ZMYND8: variants seen among roughly 807,000 people sequenced by gnomAD.
ZMYND8 encodes MYND-type zinc finger-containing chromatin reader ZMYND8.
Under a neutral mutation model 140.8 loss-of-function variants are expected in ZMYND8, and 37 were observed. That is an observed-to-expected ratio of 0.26 (90% confidence interval 0.20 to 0.35). The LOEUF (loss-of-function observed/expected upper bound fraction) is 0.35. Ranked by LOEUF, ZMYND8 falls within the 10% of genes least tolerant of loss-of-function variation. The probability of loss-of-function intolerance (pLI) is 1.00; values close to 1 mark genes in which losing one functional copy is unlikely to be tolerated. For synonymous variants in ZMYND8, 592 were observed against 597.1 expected, an observed-to-expected ratio of 0.99 and a Z score of 0.12; for missense variants, 1,068 against 1,570.0, an observed-to-expected ratio of 0.68 and a Z score of 5.40.
At chr20:47,285,959 G>A (rs1310715646) in intron 8 of ZMYND8, 1 of 513,942 alleles carries the variant, frequency 1.9e-6, no homozygotes, top group Non-Finnish European at 2.5e-6. Flanking sequence ...TGGAGGCTGA[G>A]GCAGAAGGAT....
chr20:47,259,077 G>A (rs2074968791), intron 12 of ZMYND8, among the ~76,000 whole-genome samples: 1 of 151,742 alleles, frequency 6.6e-6, no homozygotes, highest in South Asian at 2.1e-4. Context: ...AAGCCAAACT[G>A]AAAGACCCAC....
At chr20:47,278,760 A>C (rs1264341759) in intron 10 of ZMYND8, among the ~76,000 whole-genome samples, 1 of 152,046 alleles carries the variant, frequency 6.6e-6, no homozygotes, top group African/African-American at 2.4e-5. Flanking sequence ...TATCTCCACC[A>C]AGAGGGGCAG....
In ZMYND8 at chr20:47,246,311, G is replaced by A. The variant is rs766326497; in HGVS notation, c.1981C>T (p.Pro661Ser). Reference sequence around the variant, plus strand: ...TTCAGCTCCTCTTTAATCTCCACTGGGTTTGTAGGCTTGGGCTTTTTTTTA... The same window carrying A: ...TTCAGCTCCTCTTTAATCTCCACTGAGTTTGTAGGCTTGGGCTTTTTTTTA... ...AVKKKPKPTN[P>S]VEIKEELKST... Residue 661 changes from proline (P) to serine (S), a missense_variant, in exon 14 of 23, where the codon CCA becomes TCA. Physicochemically the swap from Pro to Ser is moderately conservative, Grantham distance 74. Coordinates refer to ENST00000471951, the MANE Select transcript of ZMYND8 (RefSeq NM_001281775.3). 6.2e-7 allele frequency: 1 copy of A among 1,613,994 alleles called. No individual in the cohort carries two copies.
chr20:47,269,909 G>A (rs534421723), intron 11 of ZMYND8, among the ~76,000 whole-genome samples: 32 of 152,310 alleles, frequency 2.1e-4, no homozygotes, highest in Admixed American at 5.2e-4. Flanking sequence ...TAAAAATGCT[G>A]TTTTGAAGGG....
intron 14 of ZMYND8, among the ~76,000 whole-genome samples, chr20:47,241,997 T>A (rs1367244880): frequency 6.6e-6 from 1 of 152,042 alleles, no homozygotes; most frequent in Non-Finnish European, 1.5e-5. Flanking sequence ...TTTTGTATTC[T>A]CAGTAGAGGC....
At chr20:47,325,871 A>G (rs1488361306) in intron 2 of ZMYND8, among the ~76,000 whole-genome samples, 1 of 151,852 alleles carries the variant, frequency 6.6e-6, no homozygotes, top group East Asian at 1.9e-4. Flanking sequence ...CTCCTGATTC[A>G]AGCAATTCTC....
chr20:47,356,294 C>G, intron 1 of ZMYND8: 3 of 1,153,604 alleles, frequency 2.6e-6, no homozygotes, highest in South Asian at 1.7e-5. Flanking sequence ...GGGAACTGCT[C>G]AGAGAGAGAG....
chr20:47,306,603 C>A (rs941654365), intron 3 of ZMYND8, among the ~76,000 whole-genome samples: 2 of 144,930 alleles, frequency 1.4e-5, no homozygotes, highest in African/African-American at 5.3e-5. Context: ...CAGAGTCTCA[C>A]TCTGTCGCTC....
At chr20:47,232,537 T>A (rs1033710134) in intron 16 of ZMYND8, among the ~76,000 whole-genome samples, 4 of 151,422 alleles carry the variant, frequency 2.6e-5, no homozygotes, top group Admixed American at 6.6e-5. Context: ...AAAAAAAAAA[T>A]TTCTTTTAGT....
chr20:47,236,527 A>G lies in ZMYND8; in HGVS notation c.2666-11T>C. On this transcript the variant is annotated splice_polypyrimidine_tract_variant and intron_variant, in intron 15 of 22. Transcript: ENST00000471951. ...CCTTCTGCTGGACAGCTAGGAAGGCAAAGCATCCTGATTACCCCACGTGGG... is the reference window on the plus strand; with the variant it reads ...CCTTCTGCTGGACAGCTAGGAAGGCGAAGCATCCTGATTACCCCACGTGGG... 6.5e-7 allele frequency: 1 copy of G among 1,549,466 alleles called. No individual in the cohort carries two copies. The highest frequency in any genetic ancestry group is 8.7e-7 in the Non-Finnish European group (1 of 1,147,464).
chr20:47,318,887 G>A (rs2079649451), intron 2 of ZMYND8: 2 of 1,234,832 alleles, frequency 1.6e-6, no homozygotes, highest in Non-Finnish European at 2.2e-6. Flanking sequence ...ATTTCACCAG[G>A]AACATCAAGT....
At chr20:47,244,822 C>T (rs542236211) in intron 14 of ZMYND8, among the ~76,000 whole-genome samples, 2 of 152,144 alleles carry the variant, frequency 1.3e-5, no homozygotes, top group Non-Finnish European at 2.9e-5. Flanking sequence ...TTTAGGAGGC[C>T]GAGCTGGGTG....
chr20:47,259,109 G>A (rs936281059), intron 12 of ZMYND8, among the ~76,000 whole-genome samples: 1 of 151,984 alleles, frequency 6.6e-6, no homozygotes, highest in African/African-American at 2.4e-5. Context: ...GAAGCCCAAT[G>A]ACCACCCAGT....
chr20:47,263,940 A>T (rs1011343277), intron 11 of ZMYND8, among the ~76,000 whole-genome samples: 1 of 152,174 alleles, frequency 6.6e-6, no homozygotes, highest in African/African-American at 2.4e-5. Context: ...ATTCTCAGCT[A>T]TGAGCAATTC....
rs573968832 is a variant in ZMYND8, at chr20:47,333,621, G to T, written c.85+14235C>A. On this transcript the variant is annotated intron_variant, in intron 2 of 22. Coordinates refer to ENST00000471951, the MANE Select transcript of ZMYND8 (RefSeq NM_001281775.3). The stretch of plus-strand genomic sequence containing the variant: ...CATGCCTGTAGTCCCAGCTCCTCGG[G>T]AGACTAAGGCAGGAGAATCGCTTGA... Among the ~76,000 whole-genome samples the T allele has an allele frequency of 2.0e-5, 3 of 151,070 alleles. No individual in the cohort carries two copies. In the East Asian group the frequency reaches 5.9e-4, roughly 30 times the overall value.
intron 1 of ZMYND8, among the ~76,000 whole-genome samples, chr20:47,350,328 GAAAAAAA>G (rs3084684): frequency 8.3e-4 from 77 of 93,286 alleles, no homozygotes; most frequent in East Asian, 5.6e-3. Flanking sequence ...ATTAAAAGGA[GAAAAAAA>G]AAAAAAAAAA....
intron 2 of ZMYND8, among the ~76,000 whole-genome samples, chr20:47,321,605 T>G (rs2079957466): frequency 6.6e-6 from 1 of 152,134 alleles, no homozygotes; most frequent in African/African-American, 2.4e-5. Context: ...AGAAGGAAAA[T>G]GATTCCTGAT....
chr20:47,236,216 C>T, intron 16 of ZMYND8, 110 bp downstream of exon 16: 1 of 1,321,966 alleles, frequency 7.6e-7, no homozygotes, highest in Non-Finnish European at 1.0e-6. Flanking sequence ...AGGGTCTTCA[C>T]TCCCTAAAGA....
intron 4 of ZMYND8, among the ~76,000 whole-genome samples, 187 bp from the exon 5 acceptor site, chr20:47,294,966 C>A (rs181349822): frequency 6.6e-6 from 1 of 152,142 alleles, no homozygotes; most frequent in Non-Finnish European, 1.5e-5. Context: ...TATTAAAAAG[C>A]GTATCAATCT....
Sources: allele counts gnomAD v4.1 joint callset (sites outside exome capture counted in the v4.1 genomes callset), GRCh38; gene constraint gnomAD v4.1.1; transcripts MANE v1.5; gene names NCBI Gene and HGNC (gene_info 2026-07-23, HGNC 2026-07-21).